Variants in CAMTA1 observed in about 807,000 individuals in gnomAD.
CAMTA1 encodes calmodulin-binding transcription activator 1.
In CAMTA1, 27 loss-of-function variants were observed where a neutral mutation model predicts 170.9. That is an observed-to-expected ratio of 0.16 (90% CI 0.12 to 0.22). The LOEUF is 0.22. CAMTA1 is among the 10% of genes least tolerant of loss of function. The pLI, the probability that CAMTA1 is intolerant of heterozygous loss-of-function variation, is 1.00. For synonymous variants in CAMTA1, 833 were observed against 891.5 expected, an observed-to-expected ratio of 0.93 and a Z score of 1.17; for missense variants, 1,619 against 2,217.2, an observed-to-expected ratio of 0.73 and a Z score of 5.42.
intron 3 of CAMTA1, among the ~76,000 whole-genome samples, chr1:6,940,646 A>C (rs1686284547): frequency 6.6e-6 from 1 of 152,134 alleles, no homozygotes; most frequent in African/African-American, 2.4e-5. Flanking sequence ...GAAAAGAAGA[A>C]ATGGGCCTTT....
At chr1:7,222,913 G>A (rs888729159) in intron 4 of CAMTA1, among the ~76,000 whole-genome samples, 39 of 152,222 alleles carry the variant, frequency 2.6e-4, no homozygotes, top group African/African-American at 8.9e-4. Context: ...GTGAGGATCC[G>A]GGGTGATGCT....
chr1:7,190,398 G>A (rs1218523243), intron 4 of CAMTA1, among the ~76,000 whole-genome samples: 2 of 152,064 alleles, frequency 1.3e-5, no homozygotes, highest in South Asian at 2.1e-4. Flanking sequence ...TGTATTACAC[G>A]TAGCATATAT....
chr1:7,292,390 G>T (rs1023727663), intron 5 of CAMTA1, among the ~76,000 whole-genome samples: 3 of 152,150 alleles, frequency 2.0e-5, no homozygotes, highest in Non-Finnish European at 4.4e-5. Context: ...TTCAGCTTCG[G>T]TGAATATGTG....
At chr1:6,926,973 C>G (rs1231143744) in intron 3 of CAMTA1, among the ~76,000 whole-genome samples, 1 of 151,928 alleles carries the variant, frequency 6.6e-6, no homozygotes, top group Admixed American at 6.6e-5. Context: ...TCAAGCAATC[C>G]TCCTGCTTTG....
Position 7,664,494 on chromosome 1 carries a change from G to T in CAMTA1, c.1947G>T (p.Thr649=), listed in dbSNP as rs374599206. Reference sequence around the variant, plus strand: ...CCTTCGTGATGCCCACGGTGAAAACGGAGGCCTCGTCCCAAACCAGCTCCT... The same window carrying T: ...CCTTCGTGATGCCCACGGTGAAAACTGAGGCCTCGTCCCAAACCAGCTCCT... The part of the protein sequence containing the change: ...GGTFVMPTVK[T]EASSQTSSCS... The change falls in exon 9 of 23, where the codon ACG becomes ACT. Residue 649 remains threonine (T), a synonymous_variant. Coordinates refer to ENST00000303635, the MANE Select transcript of CAMTA1 (RefSeq NM_015215.4). The T allele has an allele frequency of 6.2e-7, 1 of 1,613,256 alleles. No individual in the cohort carries two copies. The highest frequency in any genetic ancestry group is 8.5e-7 in the Non-Finnish European group (1 of 1,180,030).
At chr1:7,481,019 C>T (rs996153518) in intron 6 of CAMTA1, among the ~76,000 whole-genome samples, 3 of 152,154 alleles carry the variant, frequency 2.0e-5, no homozygotes, top group Admixed American at 2.0e-4. Flanking sequence ...TCAAGCCAAC[C>T]CTCCATTATG....
Position 7,414,226 on chromosome 1 carries a change from G to A in CAMTA1, c.439-53604G>A, listed in dbSNP as rs568205470. On this transcript the variant is annotated intron_variant, in intron 5 of 22. Transcript: ENST00000303635. ...TATTGGTCTAAAATTCTCTTTTTTTGGTTGTATCTCTGCCAGGCTTTGGTA... is the reference window on the plus strand; with the variant it reads ...TATTGGTCTAAAATTCTCTTTTTTTAGTTGTATCTCTGCCAGGCTTTGGTA... Among the ~76,000 whole-genome samples, 27 of 151,894 alleles carry A rather than the reference G, an allele frequency of 1.8e-4. No individual in the cohort carries two copies. In the South Asian group the frequency reaches 4.8e-3, roughly 27 times the overall value.
chr1:7,001,711 G>A (rs1698228318), intron 3 of CAMTA1, among the ~76,000 whole-genome samples: 1 of 152,134 alleles, frequency 6.6e-6, no homozygotes, highest in South Asian at 2.1e-4. Flanking sequence ...TTACAGCACT[G>A]ATTTTATATG....
At chr1:6,802,255 G>A (rs1158430922) in intron 1 of CAMTA1, among the ~76,000 whole-genome samples, 5 of 152,116 alleles carry the variant, frequency 3.3e-5, no homozygotes, top group African/African-American at 4.8e-5. Flanking sequence ...CTTAGTCATG[G>A]CTCCTGCATG....
At chr1:7,083,807 A>T (rs902904363) in intron 3 of CAMTA1, among the ~76,000 whole-genome samples, 1 of 152,204 alleles carries the variant, frequency 6.6e-6, no homozygotes, top group African/African-American at 2.4e-5. Context: ...TAACACAGAG[A>T]TCTGGCACCA....
Position 7,767,636 on chromosome 1 carries a change from C to T in CAMTA1, c.*1145C>T, listed in dbSNP as rs932299792. 3 of 152,042 alleles carry T rather than the reference C, an allele frequency of 2.0e-5. No individual in the cohort carries two copies. Among genetic ancestry groups the T allele is most frequent in the Non-Finnish European group, 4.4e-5 (3 of 67,916 alleles). The allele number at this position is 152,042 out of a possible 1,614,324, so 9.4% of individuals were successfully genotyped here. On this transcript the variant is annotated 3_prime_UTR_variant, in exon 23 of 23. Transcript: ENST00000303635. ...ATTTGTATAGTTTTGTCTGAATGAG[C>T]GAGAAAAATGTGGATGTACTGTTTG...
intron 1 of CAMTA1, among the ~76,000 whole-genome samples, chr1:6,786,686 C>T (rs1196176634): frequency 1.3e-5 from 2 of 152,080 alleles, no homozygotes; most frequent in Admixed American, 6.6e-5. Flanking sequence ...TTTGAGTTGC[C>T]CTCCTTTTCT....
chr1:7,247,564 C>G lies in CAMTA1; in HGVS notation c.303-1927C>G, dbSNP rs568766946. On this transcript the variant is annotated intron_variant, in intron 4 of 22. Transcript: ENST00000303635. ...AGAAAACCCATCCACAGAAGAAGAC[C>G]CGGCATTGCCACACTCTCATGAGTG... 3.9e-5 allele frequency among the ~76,000 whole-genome samples: 6 copies of G among 152,226 alleles called. No individual in the cohort carries two copies. The East Asian group carries it at 1.2e-3, about 29-fold the overall frequency.
At chr1:7,531,996 C>T (rs765904798) in intron 6 of CAMTA1, among the ~76,000 whole-genome samples, 2 of 152,224 alleles carry the variant, frequency 1.3e-5, no homozygotes, top group Non-Finnish European at 2.9e-5. Context: ...TGAGGCTTCA[C>T]ACCATGCTAG....
intron 3 of CAMTA1, among the ~76,000 whole-genome samples, chr1:6,826,937 A>T (rs750991654): frequency 5.9e-5 from 9 of 152,254 alleles, no homozygotes; most frequent in Non-Finnish European, 1.2e-4. Context: ...CATGTTTAAT[A>T]AAACCTCTAA....
At chr1:7,677,039 A>G (rs4908676) in intron 10 of CAMTA1, among the ~76,000 whole-genome samples, 69,044 of 151,840 alleles carry the variant, frequency 0.45, 15,844 homozygotes, top group Admixed American at 0.47. Context: ...CCCCAGCTCA[A>G]CACCCACTGG....
intron 3 of CAMTA1, among the ~76,000 whole-genome samples, chr1:7,087,612 G>A (rs1403249253): frequency 1.3e-5 from 2 of 152,338 alleles, no homozygotes; most frequent in African/African-American, 2.4e-5. Flanking sequence ...CATTCTGCAT[G>A]GGTTTGGGTT....
At position 7,547,396 on chromosome 1, in the gene CAMTA1, G is replaced by T. The variant is rs921273169; in HGVS notation, c.510+79495G>T. Reference sequence around the variant, plus strand: ...CACACACACACACACACACAGAGTTGGCCTTCCACATTCATGAGTTTCGCA... The same window carrying T: ...CACACACACACACACACACAGAGTTTGCCTTCCACATTCATGAGTTTCGCA... On this transcript the variant is annotated intron_variant, in intron 6 of 22. Transcript: ENST00000303635. This position sits in a 1 kb window ranked among gnomAD's most constrained non-coding sequence, Gnocchi z 5.7. Among the ~76,000 whole-genome samples, 2 of 145,542 alleles carry T rather than the reference G, an allele frequency of 1.4e-5. No homozygotes were observed. Among genetic ancestry groups the T allele is most frequent in the Non-Finnish European group, 3.0e-5 (2 of 67,418 alleles).
intron 3 of CAMTA1, among the ~76,000 whole-genome samples, chr1:7,017,385 C>T (rs1700713231): frequency 6.6e-6 from 1 of 152,324 alleles, no homozygotes; most frequent in East Asian, 1.9e-4. Context: ...TGTGAACTCA[C>T]ATACTCATAC....
Sources: gnomAD v4.1 joint callset for allele counts (sites outside exome capture counted in the v4.1 genomes callset) on GRCh38, gnomAD v4.1.1 for gene constraint, Gnocchi (gnomAD v3.1) non-coding constraint, MANE v1.5 for transcripts, NCBI Gene and HGNC (gene_info 2026-07-23, HGNC 2026-07-21) for gene names.